Variants in ANK3 observed in about 807,000 individuals in gnomAD.
ANK3 encodes the protein ankyrin 3.
ANK3 carries 57 observed loss-of-function variants against 370.9 expected under a neutral mutation model. The ratio of observed to expected loss-of-function variants is 0.15; its 90% CI spans 0.12 to 0.19. ANK3 has a LOEUF of 0.19. ANK3 is among the 10% of genes least tolerant of loss of function. ANK3 has a pLI of 1.00. For missense variants in ANK3, 4,439 were observed against 5,302.1 expected (o/e 0.84, Z 5.06); for synonymous variants, 1,929 against 1,946.3 (o/e 0.99, Z 0.23).
chr10:60,056,217 C>T (rs1159097632), intron 41 of ANK3, among the ~76,000 whole-genome samples, 181 bp from the exon 42 acceptor site: 29 of 152,202 alleles, frequency 1.9e-4, no homozygotes, highest in Admixed American at 1.9e-3. Context: ...TGCCTGTAAT[C>T]CCAGCACCTT....
At chr10:60,235,825 T>C (rs938258793) in intron 7 of ANK3, among the ~76,000 whole-genome samples, 1 of 152,206 alleles carries the variant, frequency 6.6e-6, no homozygotes, top group African/African-American at 2.4e-5. Flanking sequence ...AACAATATAG[T>C]AGCTATCAAG....
chr10:60,616,680 C>T (rs2078272282), intron 1 of ANK3, among the ~76,000 whole-genome samples: 1 of 152,104 alleles, frequency 6.6e-6, no homozygotes, highest in African/African-American at 2.4e-5. Flanking sequence ...TTTACATCTG[C>T]TGATTTCCTT....
chr10:60,569,418 T>A (rs1316823538), intron 2 of ANK3, among the ~76,000 whole-genome samples: 3 of 152,202 alleles, frequency 2.0e-5, no homozygotes, highest in African/African-American at 7.2e-5. Flanking sequence ...AGATATCAAG[T>A]TAGAAGCAAC....
chr10:60,215,697 T>C (rs998283990), intron 8 of ANK3, among the ~76,000 whole-genome samples: 1 of 152,144 alleles, frequency 6.6e-6, no homozygotes, highest in Non-Finnish European at 1.5e-5. Context: ...TTCTGCTCCA[T>C]TGGTCTATAT....
Position 60,052,326 on chromosome 10 carries a change from T to TCAA in ANK3, c.13065+3329_13065+3331dup, listed in dbSNP as rs533908310. Among the ~76,000 whole-genome samples the TCAA allele has an allele frequency of 1.5e-3, 223 of 152,146 alleles. 1 individual carries two copies. The highest frequency in any genetic ancestry group is 6.0e-3 in the Admixed American group (91 of 15,282). ...CTGGGCAATAGGGCAAGACTCCGTC[T>TCAA]CAACAACAACAACAACAACAAGTAA... On this transcript the variant is annotated intron_variant, in intron 42 of 43. Coordinates refer to ENST00000280772, the MANE Select transcript of ANK3 (RefSeq NM_020987.5).
At chr10:60,228,543 A>T (rs1021542319) in intron 8 of ANK3, among the ~76,000 whole-genome samples, 2 of 151,906 alleles carry the variant, frequency 1.3e-5, no homozygotes, top group African/African-American at 4.8e-5. Context: ...AAAAAAAAAA[A>T]AAAAAAAGAT....
chr10:60,420,337 T>C (rs953500661), intron 2 of ANK3, among the ~76,000 whole-genome samples: 1 of 152,172 alleles, frequency 6.6e-6, no homozygotes, highest in African/African-American at 2.4e-5. Context: ...TTTAAGGCAC[T>C]GACCCACGTT....
rs199551372 is a variant in ANK3 at position 60,319,889 on chromosome 10, AC to A, written c.115-40251del. 7.1e-3 allele frequency among the ~76,000 whole-genome samples: 1,076 copies of A among 152,266 alleles called. 16 individuals are homozygous for A. Among genetic ancestry groups the A allele is most frequent in the African/African-American group, 0.025 (1,030 of 41,532 alleles). On this transcript the variant is annotated intron_variant, in intron 1 of 43. Transcript: ENST00000280772. ...AATACTGTTATCTCTTTCCCTAGTC[AC>A]CCCAACTTTCCCCATGACATTCCAG...
At chr10:60,200,579 CCTG>C (rs1250124292) in intron 12 of ANK3, among the ~76,000 whole-genome samples, 2 of 152,096 alleles carry the variant, frequency 1.3e-5, no homozygotes, top group Non-Finnish European at 2.9e-5. Context: ...AGAGCCCACA[CCTG>C]CGCTGAAGCA....
intron 1 of ANK3, among the ~76,000 whole-genome samples, chr10:60,640,226 C>A (rs1188647483): frequency 3.3e-5 from 5 of 151,102 alleles, no homozygotes; most frequent in South Asian, 4.2e-4. Flanking sequence ...GGAACTGGTA[C>A]CATTCCTTCT....
At chr10:60,194,175 G>A (rs192015085) in intron 16 of ANK3, among the ~76,000 whole-genome samples, 2 of 152,158 alleles carry the variant, frequency 1.3e-5, no homozygotes, top group African/African-American at 4.8e-5. Context: ...AAGCACAGAG[G>A]TAAAAATGAA....
At chr10:60,523,298 G>A (rs1054588904) in intron 2 of ANK3, among the ~76,000 whole-genome samples, 4 of 151,678 alleles carry the variant, frequency 2.6e-5, no homozygotes, top group African/African-American at 9.7e-5. Flanking sequence ...GTGCAGGTTA[G>A]TTACATAGGT....
rs542111997 is a variant in ANK3, at chr10:60,533,337, A to G, written c.96+81849T>C. On this transcript the variant is annotated intron_variant, in intron 2 of 43. Transcript: ENST00000373827. ...GGATCAAGGAAGCTGTCGCTCAGAG[A>G]AGGGCTCAGCACCCTCCCAGGAGCT... Among the ~76,000 whole-genome samples, 101 of 152,220 alleles carry G rather than the reference A, an allele frequency of 6.6e-4. 1 individual carries two copies. The highest frequency in any genetic ancestry group is 2.4e-3 in the African/African-American group (98 of 41,552).
chr10:60,387,160 CA>C (rs554734732), intron 1 of ANK3, among the ~76,000 whole-genome samples: 4,065 of 139,582 alleles, frequency 0.029, 178 homozygotes, highest in African/African-American at 0.097. Flanking sequence ...GACTCCATCT[CA>C]AAAAAAAAAA....
chr10:60,465,781 TTTTC>T (rs1217701701), intron 2 of ANK3, among the ~76,000 whole-genome samples: 12 of 148,560 alleles, frequency 8.1e-5, no homozygotes, highest in African/African-American at 3.0e-4. Context: ...TTTTTCTTTT[TTTTC>T]TTTCTTTTTT....
At chr10:60,404,951 C>T (rs1229406734) in intron 2 of ANK3, among the ~76,000 whole-genome samples, 2 of 152,070 alleles carry the variant, frequency 1.3e-5, no homozygotes, top group South Asian at 2.1e-4. Flanking sequence ...GAGTTGGGGA[C>T]TAATGCAAAT....
intron 1 of ANK3, among the ~76,000 whole-genome samples, chr10:60,678,694 C>T (rs979922706): frequency 1.3e-5 from 2 of 152,128 alleles, no homozygotes; most frequent in East Asian, 1.9e-4. Flanking sequence ...TTATAGTACT[C>T]ATTTATAGAT....
chr10:60,583,805 C>T (rs1270890857), intron 2 of ANK3, among the ~76,000 whole-genome samples: 2 of 151,970 alleles, frequency 1.3e-5, no homozygotes, highest in Admixed American at 6.6e-5. Flanking sequence ...AGATTGGTCT[C>T]GAACTCCTGA....
At chr10:60,045,834 A>T (rs1000861275) in intron 42 of ANK3, among the ~76,000 whole-genome samples, 1 of 152,244 alleles carries the variant, frequency 6.6e-6, no homozygotes, top group Non-Finnish European at 1.5e-5. Flanking sequence ...CATATGTCAC[A>T]ATCAGTAGAA....
Sources: gnomAD v4.1 joint callset for allele counts (sites outside exome capture counted in the v4.1 genomes callset) on GRCh38, gnomAD v4.1.1 for gene constraint, MANE v1.5 for transcripts, NCBI Gene and HGNC (gene_info 2026-07-23, HGNC 2026-07-21) for gene names.